Variants in ZNF827 observed in about 807,000 individuals in gnomAD.
ZNF827 encodes the protein zinc finger protein 827.
A neutral mutation model predicts 102.4 loss-of-function variants in ZNF827; 13 were observed. The ratio of observed to expected loss-of-function variants is 0.13; its 90% CI spans 0.08 to 0.20. The LOEUF (loss-of-function observed/expected upper bound fraction) is 0.20, where lower values mean the gene tolerates loss of function less well. ZNF827 is among the 10% of genes least tolerant of loss of function. The pLI, the probability that ZNF827 is intolerant of heterozygous loss-of-function variation, is 1.00. For missense variants in ZNF827, 1,103 were observed against 1,344.4 expected (o/e 0.82, Z 2.81); for synonymous variants, 523 against 536.2 (o/e 0.98, Z 0.34).
intron 7 of ZNF827, among the ~76,000 whole-genome samples, chr4:145,826,694 G>A (rs1276723761): frequency 6.6e-6 from 1 of 152,182 alleles, no homozygotes; most frequent in African/African-American, 2.4e-5. Context: ...ATAGGAAAAA[G>A]CATTGTGTAT....
In ZNF827 at chr4:145,845,931, G is replaced by A. The variant is rs1184799723; in HGVS notation, c.2279+25C>T. Reference sequence around the variant, plus strand: ...CTGGTGGCCCACACGGGGTGTTCTGGAGGAACCCACACAAAGTCGCCTACC... The same window carrying A: ...CTGGTGGCCCACACGGGGTGTTCTGAAGGAACCCACACAAAGTCGCCTACC... On this transcript the variant is annotated intron_variant, in intron 7 of 14. Coordinates refer to ENST00000508784, the MANE Select transcript of ZNF827 (RefSeq NM_001306215.2). 1.9e-6 allele frequency: 3 copies of A among 1,613,994 alleles called. No homozygotes were observed. The South Asian group carries it at 3.3e-5, about 18-fold the overall frequency.
At chr4:145,933,188 G>A (rs1411132497) in intron 1 of ZNF827, among the ~76,000 whole-genome samples, 1 of 152,198 alleles carries the variant, frequency 6.6e-6, no homozygotes, top group Non-Finnish European at 1.5e-5. Context: ...GGAAAGCTCA[G>A]TGATACCCTA....
At chr4:145,882,373 C>T (rs1287663441) in intron 4 of ZNF827, among the ~76,000 whole-genome samples, 1 of 152,200 alleles carries the variant, frequency 6.6e-6, no homozygotes, top group African/African-American at 2.4e-5. Flanking sequence ...CGATGCCGGG[C>T]CTGGAAGCCT....
At chr4:145,865,917 G>A (rs1748142805) in intron 5 of ZNF827, among the ~76,000 whole-genome samples, 1 of 152,192 alleles carries the variant, frequency 6.6e-6, no homozygotes, top group African/African-American at 2.4e-5. Flanking sequence ...TGGGATTTAG[G>A]ACTGGGATAA....
At position 145,761,134 on chromosome 4, in the gene ZNF827, C is replaced by G. The variant is rs540108033; in HGVS notation, c.*482G>C. ...GACCACCAGGAGCGGGGCCCCCGGG[C>G]CGGCCGGTTCCTTGGGGGCTGGACA... is the stretch of plus-strand genomic sequence containing the variant. On this transcript the variant is annotated 3_prime_UTR_variant, in exon 15 of 15. Coordinates refer to ENST00000508784, the MANE Select transcript of ZNF827 (RefSeq NM_001306215.2). This position sits in a 1 kb window ranked among gnomAD's most constrained non-coding sequence, Gnocchi z 6.8. 17 of 1,289,566 alleles carry G rather than the reference C, an allele frequency of 1.3e-5. No homozygotes were observed. Among genetic ancestry groups the G allele is most frequent in the Non-Finnish European group, 1.7e-5 (17 of 988,766 alleles). 79.9% of individuals were successfully genotyped at this position (1,289,566 alleles called of 1,614,324 possible).
intron 6 of ZNF827, among the ~76,000 whole-genome samples, chr4:145,846,941 G>T (rs1746028272): frequency 6.8e-6 from 1 of 146,574 alleles, no homozygotes; most frequent in Admixed American, 6.8e-5. Context: ...ATCACCTGAG[G>T]TCAGGAGTTC....
chr4:145,937,842 T>C (rs1659674246), intron 1 of ZNF827, among the ~76,000 whole-genome samples: 1 of 150,000 alleles, frequency 6.7e-6, no homozygotes, highest in Admixed American at 6.6e-5. Context: ...ACCCGGCGGC[T>C]GCTGCGCGCC....
At chr4:145,852,609 A>G (rs1049738103) in intron 5 of ZNF827, among the ~76,000 whole-genome samples, 2 of 152,100 alleles carry the variant, frequency 1.3e-5, no homozygotes, top group African/African-American at 4.8e-5. Flanking sequence ...TTTCTTTTCA[A>G]GCAGGATTTC....
At chr4:145,868,679 A>C (rs764539722) in intron 5 of ZNF827, among the ~76,000 whole-genome samples, 4 of 152,262 alleles carry the variant, frequency 2.6e-5, no homozygotes, top group Non-Finnish European at 5.9e-5. Context: ...CTTAAAGAAC[A>C]TCACTCTTGA....
rs1751463059 is a variant in ZNF827, at chr4:145,902,120, A to G, written c.1093+46T>C. 2.6e-6 allele frequency: 4 copies of G among 1,528,612 alleles called. No homozygotes were observed. In the Admixed American group the frequency reaches 8.8e-5, roughly 34 times the overall value. The allele number at this position is 1,528,612 out of a possible 1,614,324, so 94.7% of individuals were successfully genotyped here. A position where few individuals can be genotyped will look rare whatever the true frequency, so the allele number is the denominator to read the frequency against. ...AGCAATGAATAAGACATCGCAGTTT[A>G]TAGTCTAAAGGACTTACACGATGAT... On this transcript the variant is annotated intron_variant, in intron 2 of 14. Coordinates refer to ENST00000508784, the MANE Select transcript of ZNF827 (RefSeq NM_001306215.2). This position sits in a 1 kb window ranked among gnomAD's most constrained non-coding sequence, Gnocchi z 4.3.
At chr4:145,908,221 G>T (rs966268307) in intron 1 of ZNF827, among the ~76,000 whole-genome samples, 2 of 152,192 alleles carry the variant, frequency 1.3e-5, no homozygotes, top group Admixed American at 6.5e-5. Flanking sequence ...AAGCAAGTGG[G>T]GAAGGAAGCC....
intron 5 of ZNF827, among the ~76,000 whole-genome samples, chr4:145,858,871 A>C (rs1052395215): frequency 1.3e-5 from 2 of 152,154 alleles, no homozygotes; most frequent in African/African-American, 4.8e-5. Context: ...AGTATTTTCC[A>C]TGTCCAGAGG....
intron 8 of ZNF827, among the ~76,000 whole-genome samples, chr4:145,793,873 T>C (rs1740092414): frequency 6.6e-6 from 1 of 152,170 alleles, no homozygotes; most frequent in Non-Finnish European, 1.5e-5. Flanking sequence ...TAGTATTCCT[T>C]CTAGTTCATA....
intron 4 of ZNF827, among the ~76,000 whole-genome samples, chr4:145,883,841 A>T (rs1206964725): frequency 6.6e-6 from 1 of 152,072 alleles, no homozygotes; most frequent in Non-Finnish European, 1.5e-5. Flanking sequence ...GGGCCCATAA[A>T]AGGAGCCCCC....
At chr4:145,877,027 C>T (rs1329354437) in intron 4 of ZNF827, among the ~76,000 whole-genome samples, 2 of 151,874 alleles carry the variant, frequency 1.3e-5, no homozygotes, top group Non-Finnish European at 2.9e-5. Flanking sequence ...ACATTTTGTG[C>T]TCACCAAATA....
chr4:145,813,411 A>C (rs1443264838), intron 8 of ZNF827, among the ~76,000 whole-genome samples: 1 of 152,138 alleles, frequency 6.6e-6, no homozygotes, highest in East Asian at 1.9e-4. Flanking sequence ...CCTAATTTAT[A>C]AATTAAACTT....
At chr4:145,843,392 AGAG>A (rs1393625010) in intron 7 of ZNF827, among the ~76,000 whole-genome samples, 1 of 152,210 alleles carries the variant, frequency 6.6e-6, no homozygotes, top group African/African-American at 2.4e-5. Flanking sequence ...TCTCCCAGAA[AGAG>A]GAGAATTTAA....
At chr4:145,849,155 C>T (rs1246522833) in intron 6 of ZNF827, among the ~76,000 whole-genome samples, 167 bp downstream of exon 6, 2 of 151,940 alleles carry the variant, frequency 1.3e-5, no homozygotes, top group African/African-American at 4.8e-5. Context: ...CTTGGCAACA[C>T]TTTATTAACT....
At chr4:145,826,250 C>T (rs1743668066) in intron 7 of ZNF827, among the ~76,000 whole-genome samples, 1 of 152,192 alleles carries the variant, frequency 6.6e-6, no homozygotes, top group South Asian at 2.1e-4. Context: ...AGTTTCGTCA[C>T]TGAAAAAGAG....
Sources: allele counts gnomAD v4.1 joint callset (sites outside exome capture counted in the v4.1 genomes callset), GRCh38; gene constraint gnomAD v4.1.1; non-coding constraint Gnocchi (gnomAD v3.1); transcripts MANE v1.5; gene names NCBI Gene and HGNC (gene_info 2026-07-23, HGNC 2026-07-21).